Variants in ARNT2 observed in about 807,000 individuals in gnomAD.
ARNT2 encodes the protein aryl hydrocarbon receptor nuclear translocator 2.
In ARNT2, 36 loss-of-function variants were observed where a neutral mutation model predicts 91.7. The ratio of observed to expected loss-of-function variants is 0.39; its 90% CI spans 0.30 to 0.52. The LOEUF is 0.52. Ranked by LOEUF, ARNT2 falls within the 20% of genes least tolerant of loss-of-function variation. ARNT2 has a pLI of 0.72. For missense variants in ARNT2, 775 were observed against 939.3 expected, an observed-to-expected ratio of 0.83 and a Z score of 2.29; for synonymous variants, 365 against 347.1, an observed-to-expected ratio of 1.05 and a Z score of -0.57.
chr15:80,557,914 G>A (rs1412762947), intron 11 of ARNT2, among the ~76,000 whole-genome samples: 1 of 152,182 alleles, frequency 6.6e-6, no homozygotes, highest in Non-Finnish European at 1.5e-5. Flanking sequence ...CTTAAAACAT[G>A]CCAACAGGGC....
intron 17 of ARNT2, among the ~76,000 whole-genome samples, chr15:80,590,333 T>C (rs1893254207): frequency 6.6e-6 from 1 of 152,384 alleles, no homozygotes; most frequent in South Asian, 2.1e-4. Flanking sequence ...TAAAGGTATC[T>C]TCTCTGAAGG....
intron 8 of ARNT2, among the ~76,000 whole-genome samples, chr15:80,529,667 G>A (rs1005262686): frequency 7.9e-5 from 12 of 152,024 alleles, no homozygotes; most frequent in Non-Finnish European, 1.2e-4. Context: ...CTTTCTTCAC[G>A]ATAGGAGAAT....
intron 1 of ARNT2, among the ~76,000 whole-genome samples, chr15:80,417,914 G>T (rs1480090095): frequency 1.3e-5 from 2 of 152,168 alleles, no homozygotes; most frequent in African/African-American, 4.8e-5. Context: ...GTGTGTGGGT[G>T]GCTGGTTGTT....
chr15:80,586,913 G>A (rs1893183608), intron 17 of ARNT2, among the ~76,000 whole-genome samples: 1 of 151,966 alleles, frequency 6.6e-6, no homozygotes, highest in South Asian at 2.1e-4. Flanking sequence ...ATTCAAAATA[G>A]GGGAACAGGG....
intron 12 of ARNT2, among the ~76,000 whole-genome samples, chr15:80,572,399 G>C (rs552101669): frequency 1.3e-5 from 2 of 151,764 alleles, no homozygotes; most frequent in African/African-American, 2.4e-5. Flanking sequence ...TGCATTCCTG[G>C]TGGTTCCTCC....
At chr15:80,593,397 A>G (rs1189962502) in intron 18 of ARNT2, among the ~76,000 whole-genome samples, 1 of 152,230 alleles carries the variant, frequency 6.6e-6, no homozygotes, top group East Asian at 1.9e-4. Context: ...CTGTCACAAC[A>G]GCTCCCTGGG....
intron 5 of ARNT2, among the ~76,000 whole-genome samples, chr15:80,502,845 A>G (rs1897219698): frequency 6.6e-6 from 1 of 152,164 alleles, no homozygotes. Flanking sequence ...AAGGGTGAAG[A>G]GTACACATAG....
chr15:80,456,656 G>T (rs1007538786), intron 2 of ARNT2, among the ~76,000 whole-genome samples: 4 of 152,128 alleles, frequency 2.6e-5, no homozygotes, highest in African/African-American at 9.7e-5. Context: ...CCCATGCAAG[G>T]ATGGCTCGCC....
chr15:80,418,292 G>A (rs754122141), intron 1 of ARNT2, among the ~76,000 whole-genome samples: 17 of 152,124 alleles, frequency 1.1e-4, no homozygotes, highest in Admixed American at 2.0e-4. Context: ...GTTCCACTGC[G>A]GGAAGAGCCT....
In ARNT2 at chr15:80,591,608, C is replaced by T. The variant is rs374880436; in HGVS notation, c.1959C>T (p.Pro653=). Residue 653 remains proline, a synonymous_variant, in exon 18 of 19, where the codon CCC becomes CCT. Transcript: ENST00000303329. The surrounding 1 kb of genome is among the most constrained non-coding windows in gnomAD (Gnocchi z 5.1). ...GTAGCGGGCAGTTCCAAGGGCGGCCCTCGGAAGTCTGGTCGCAGTGGCAAA... is the reference window on the plus strand; with the variant it reads ...GTAGCGGGCAGTTCCAAGGGCGGCCTTCGGAAGTCTGGTCGCAGTGGCAAA... ...GQSSGQFQGR[P]SEVWSQWQSQ... is the part of the protein sequence containing the mutation. 1.1e-5 allele frequency: 17 copies of T among 1,614,174 alleles called. No homozygotes were observed. In the African/African-American group the frequency reaches 2.1e-4, roughly 20 times the overall value.
intron 1 of ARNT2, among the ~76,000 whole-genome samples, chr15:80,410,409 G>A (rs1007592470): frequency 6.6e-6 from 1 of 152,156 alleles, no homozygotes; most frequent in Non-Finnish European, 1.5e-5. Flanking sequence ...AGAGGCAGGG[G>A]GCCTGTGGGG....
rs762197838 is a variant in ARNT2, at chr15:80,514,423, T to C, written c.877+18T>C. The C allele has an allele frequency of 2.5e-5, 41 of 1,611,172 alleles. No homozygotes were observed. Among genetic ancestry groups the C allele is most frequent in the Middle Eastern group, 1.6e-4 (1 of 6,072 alleles). ...ACCAGCAGGTAAGGAGACCTGCATGTAAATTCCACGGGAACTGGGTGCTGC... is the reference window on the plus strand; with the variant it reads ...ACCAGCAGGTAAGGAGACCTGCATGCAAATTCCACGGGAACTGGGTGCTGC... On this transcript the variant is annotated intron_variant, in intron 8 of 18. Transcript: ENST00000303329.
At chr15:80,518,277 C>T (rs375160730) in intron 8 of ARNT2, among the ~76,000 whole-genome samples, 21 of 89,358 alleles carry the variant, frequency 2.4e-4, no homozygotes, top group East Asian at 3.6e-4. Flanking sequence ...TTTTTCTATT[C>T]TTTTTTTTTT....
At chr15:80,528,389 T>C (rs1897674923) in intron 8 of ARNT2, among the ~76,000 whole-genome samples, 1 of 152,026 alleles carries the variant, frequency 6.6e-6, no homozygotes, top group African/African-American at 2.4e-5. Context: ...TATCTATCTA[T>C]CTATCTATCT....
rs1203590729 is a variant in ARNT2, at chr15:80,475,157, C to G, written c.556C>G (p.Gln186Glu). The G allele has an allele frequency of 6.2e-7, 1 of 1,614,184 alleles. No individual in the cohort carries two copies. Among genetic ancestry groups the G allele is most frequent in the East Asian group, 2.2e-5 (1 of 44,880 alleles). Residue 186 changes from glutamine to glutamate, a missense_variant, in exon 5 of 19, where the codon CAG becomes GAG. Coordinates refer to ENST00000303329, the MANE Select transcript of ARNT2 (RefSeq NM_014862.4). ...SEWFGSTLYEQVHPDDVEKLR... is the reference protein window; with the variant it reads ...SEWFGSTLYEEVHPDDVEKLR... ...GTGGTTTGGGAGCACACTGTATGAA[C>G]AGGTGCATCCTGATGACGTGGAGAA...
chr15:80,575,958 T>C (rs959958060), intron 14 of ARNT2, among the ~76,000 whole-genome samples: 4 of 152,212 alleles, frequency 2.6e-5, no homozygotes, highest in Non-Finnish European at 4.4e-5. Context: ...TAGCAAACTT[T>C]TAGTTTCTGT....
intron 6 of ARNT2, among the ~76,000 whole-genome samples, chr15:80,510,013 A>T (rs1263821088): frequency 5.9e-5 from 9 of 152,188 alleles, no homozygotes; most frequent in Non-Finnish European, 8.8e-5. Flanking sequence ...CATTACTAAA[A>T]ACTGCCCCGG....
intron 6 of ARNT2, among the ~76,000 whole-genome samples, chr15:80,511,989 A>G (rs1051144193): frequency 6.6e-6 from 1 of 152,246 alleles, no homozygotes; most frequent in Admixed American, 6.5e-5. Flanking sequence ...ACGTAGCAGC[A>G]CAATGGAACC....
At chr15:80,485,909 C>T (rs1451530531) in intron 5 of ARNT2, among the ~76,000 whole-genome samples, 2 of 152,168 alleles carry the variant, frequency 1.3e-5, no homozygotes, top group Non-Finnish European at 1.5e-5. Flanking sequence ...ATAGTTTCCT[C>T]TGGCTGCCGT....
Sources: gnomAD v4.1 joint callset for allele counts (sites outside exome capture counted in the v4.1 genomes callset) on GRCh38, gnomAD v4.1.1 for gene constraint, Gnocchi (gnomAD v3.1) non-coding constraint, MANE v1.5 for transcripts, NCBI Gene and HGNC (gene_info 2026-07-23, HGNC 2026-07-21) for gene names.